EFR3B: variants seen among roughly 807,000 people sequenced by gnomAD.
EFR3B encodes EFR3 homolog B.
A neutral mutation model predicts 104.7 loss-of-function variants in EFR3B; 64 were observed. The ratio of observed to expected loss-of-function variants is 0.61; its 90% CI spans 0.50 to 0.75. The LOEUF (loss-of-function observed/expected upper bound fraction) is 0.75, where lower values mean the gene tolerates loss of function less well. Ranked by LOEUF, EFR3B falls within the 30% of genes least tolerant of loss-of-function variation. The probability of loss-of-function intolerance (pLI) is 0.00; values close to 1 mark genes in which losing one functional copy is unlikely to be tolerated. For missense variants in EFR3B, 750 were observed against 1,078.5 expected (o/e 0.70, Z 4.27); for synonymous variants, 385 against 417.9 (o/e 0.92, Z 0.96).
In EFR3B at chr2:25,080,334, G is replaced by A. The variant is rs182316801; in HGVS notation, c.8-10991G>A. 1.7e-3 allele frequency: 946 copies of A among 572,864 alleles called. 10 individuals are homozygous for A. The African/African-American group carries it at 0.026, about 16-fold the overall frequency. 35.5% of individuals were successfully genotyped at this position (572,864 alleles called of 1,614,324 possible). ...TTTGAGATGGAGTTTTGCTCTTGTCGTCCAGGCTGGAGTGCAGTGGCACCA... is the reference window on the plus strand; with the variant it reads ...TTTGAGATGGAGTTTTGCTCTTGTCATCCAGGCTGGAGTGCAGTGGCACCA... On this transcript the variant is annotated intron_variant, in intron 1 of 22. Transcript: ENST00000403714.
At chr2:25,058,820 C>T (rs1668099380) in intron 1 of EFR3B, among the ~76,000 whole-genome samples, 1 of 141,364 alleles carries the variant, frequency 7.1e-6, no homozygotes, top group South Asian at 2.3e-4. Context: ...TGTGGAGAAA[C>T]TGGAACCATC....
intron 16 of EFR3B, among the ~76,000 whole-genome samples, chr2:25,141,051 A>T (rs1281333849): frequency 5.3e-5 from 8 of 151,990 alleles, no homozygotes; most frequent in Non-Finnish European, 8.8e-5. Flanking sequence ...AAAAAAAAAA[A>T]AAAAAAAAAG....
In EFR3B at chr2:25,042,085, C is replaced by T. The variant is rs1667585773; in HGVS notation, c.-228C>T. The T allele has an allele frequency of 3.2e-6, 1 of 308,784 alleles. No homozygotes were observed. The highest frequency in any genetic ancestry group is 2.2e-5 in the African/African-American group (1 of 45,282). The allele number at this position is 308,784 out of a possible 1,614,324, so 19.1% of individuals were successfully genotyped here. A position where few individuals can be genotyped will look rare whatever the true frequency, so the allele number is the denominator to read the frequency against. ...CCCGCCCCCTGCGCGCAGCAGTGCC[C>T]AGCAACCCGAGCGGAGGCGGCCGCT... On this transcript the variant is annotated 5_prime_UTR_variant, in exon 1 of 23. Coordinates refer to ENST00000403714, the MANE Select transcript of EFR3B (RefSeq NM_014971.2). The surrounding 1 kb of genome is among the most constrained non-coding windows in gnomAD (Gnocchi z 5.4).
chr2:25,121,657 C>T lies in EFR3B; in HGVS notation c.364-16C>T. ...GGTCACCTCTCTCGTGTGTTTCTCT[C>T]CTTCCTCCCTGATAGTTTGTGAAGT... On this transcript the variant is annotated splice_polypyrimidine_tract_variant and intron_variant, in intron 4 of 22. Transcript: ENST00000403714. 6.4e-7 allele frequency: 1 copy of T among 1,551,644 alleles called. No homozygotes were observed.
intron 4 of EFR3B, among the ~76,000 whole-genome samples, chr2:25,113,630 T>C (rs1046568233): frequency 2.0e-5 from 3 of 146,756 alleles, no homozygotes; most frequent in African/African-American, 5.1e-5. Flanking sequence ...ATCGTGCCAC[T>C]GCACTCCAGC....
intron 5 of EFR3B, among the ~76,000 whole-genome samples, chr2:25,122,715 C>A (rs1235537807): frequency 2.0e-5 from 3 of 152,008 alleles, no homozygotes; most frequent in Admixed American, 6.6e-5. Flanking sequence ...CCCTGCACAC[C>A]CCCACATGCC....
chr2:25,073,656 A>G (rs146217965), intron 1 of EFR3B, among the ~76,000 whole-genome samples: 1 of 152,164 alleles, frequency 6.6e-6, no homozygotes, highest in East Asian at 1.9e-4. Context: ...CCCACTATGT[A>G]ATGATTCTCC....
rs147725882 is a variant in EFR3B at position 25,048,400 on chromosome 2, AT to A, written c.7+6086del. Among the ~76,000 whole-genome samples, 1,457 of 152,276 alleles carry A rather than the reference AT, an allele frequency of 9.6e-3. 19 individuals are homozygous for A. Among genetic ancestry groups the A allele is most frequent in the African/African-American group, 0.032 (1,334 of 41,534 alleles). On this transcript the variant is annotated intron_variant, in intron 1 of 22. Transcript: ENST00000403714. The stretch of plus-strand genomic sequence containing the variant: ...CAAGTTAGTAAACTCCTTGGCTATC[AT>A]TTTTAATGTCTACATAACGGTGCAC...
chr2:25,100,446 C>G (rs1282257878), intron 3 of EFR3B, among the ~76,000 whole-genome samples: 1 of 152,158 alleles, frequency 6.6e-6, no homozygotes, highest in Non-Finnish European at 1.5e-5. Context: ...GACCTGATTC[C>G]TGGGCACCCC....
intron 3 of EFR3B, among the ~76,000 whole-genome samples, chr2:25,100,580 C>T (rs1243757286): frequency 6.6e-6 from 1 of 152,136 alleles, no homozygotes; most frequent in Non-Finnish European, 1.5e-5. Context: ...GCAAGCTCTG[C>T]CTCCTGAGTT....
intron 1 of EFR3B, among the ~76,000 whole-genome samples, chr2:25,045,192 C>T (rs1262991669): frequency 2.0e-5 from 3 of 152,276 alleles, no homozygotes; most frequent in Non-Finnish European, 2.9e-5. Flanking sequence ...TCACCTGCCA[C>T]CCCCGCTTAC....
At chr2:25,121,844 C>G (rs146566786) in intron 5 of EFR3B, 50 bp downstream of exon 5, 151 of 1,550,416 alleles carry the variant, frequency 9.7e-5, no homozygotes, top group Admixed American at 2.4e-4. Context: ...GCAGAAGCAA[C>G]GGTGGGTCCT....
Position 25,137,360 on chromosome 2 carries a change from G to A in EFR3B, c.1580G>A (p.Arg527Lys), listed in dbSNP as rs1351942453. 6.4e-7 allele frequency: 1 copy of A among 1,552,154 alleles called. No homozygotes were observed. Residue 527 changes from arginine (R) to lysine (K), a missense_variant, in exon 15 of 23, where the codon AGA becomes AAA. Transcript: ENST00000403714. This position sits in a 1 kb window ranked among gnomAD's most constrained non-coding sequence, Gnocchi z 4.7. ...FMKKHSQQLY[R>K]HIYLSCKEET... Reference sequence around the variant, plus strand: ...CCCCAGCACTCCCAGCAGCTCTACAGACACATCTACCTGAGCTGCAAGGAG... The same window carrying A: ...CCCCAGCACTCCCAGCAGCTCTACAAACACATCTACCTGAGCTGCAAGGAG...
In EFR3B at chr2:25,042,891, TCCG is replaced by T. The variant is rs1667612326; in HGVS notation, c.7+574_7+576del. On this transcript the variant is annotated intron_variant, in intron 1 of 22. Coordinates refer to ENST00000403714, the MANE Select transcript of EFR3B (RefSeq NM_014971.2). The surrounding 1 kb of genome is among the most constrained non-coding windows in gnomAD (Gnocchi z 5.4). ...GGTTCACCAACTTCCAGATTTTCCC[TCCG>T]CAGTGATGAAGGGAGGAGACGCTGC... Among the ~76,000 whole-genome samples, 1 of 151,992 alleles carries T rather than the reference TCCG, an allele frequency of 6.6e-6. No individual in the cohort carries two copies. The highest frequency in any genetic ancestry group is 1.5e-5 in the Non-Finnish European group (1 of 67,996).
At chr2:25,103,056 T>A (rs1365000236) in intron 3 of EFR3B, among the ~76,000 whole-genome samples, 1 of 152,192 alleles carries the variant, frequency 6.6e-6, no homozygotes, top group Non-Finnish European at 1.5e-5. Flanking sequence ...AGATCTTGAC[T>A]TCCTCCCCAC....
intron 4 of EFR3B, among the ~76,000 whole-genome samples, chr2:25,108,994 A>C (rs889004152): frequency 6.6e-6 from 1 of 152,156 alleles, no homozygotes; most frequent in Non-Finnish European, 1.5e-5. Flanking sequence ...TGACAAAGTA[A>C]GACTGTCTCA....
chr2:25,152,514 C>T (rs1365957227), intron 21 of EFR3B, among the ~76,000 whole-genome samples: 5 of 152,006 alleles, frequency 3.3e-5, no homozygotes, highest in South Asian at 4.1e-4. Flanking sequence ...AGATGGTCAA[C>T]GTTGGCAGCA....
chr2:25,130,566 A>T lies in EFR3B; in HGVS notation c.785A>T (p.His262Leu). 6.4e-7 allele frequency: 1 copy of T among 1,551,740 alleles called. No homozygotes were observed. The highest frequency in any genetic ancestry group is 1.7e-4 in the Middle Eastern group (1 of 5,992). Residue 262 changes from histidine to leucine, a missense_variant, in exon 8 of 23, where the codon CAT becomes CTT. Coordinates refer to ENST00000403714, the MANE Select transcript of EFR3B (RefSeq NM_014971.2). This position sits in a 1 kb window ranked among gnomAD's most constrained non-coding sequence, Gnocchi z 4.6. ...IKPVLIHLDN[H>L]SLWEPKVFAI... ...CTCCCTCACAGCCATCTGGATAACC[A>T]TTCTCTTTGGGAACCCAAGGTGTTT...
chr2:25,056,296 G>A (rs938049513), intron 1 of EFR3B, among the ~76,000 whole-genome samples: 9 of 152,164 alleles, frequency 5.9e-5, no homozygotes, highest in Non-Finnish European at 1.3e-4. Context: ...GGTTAAGGCC[G>A]TTAGAAGGAC....
Sources: gnomAD v4.1 joint callset for allele counts (sites outside exome capture counted in the v4.1 genomes callset) on GRCh38, gnomAD v4.1.1 for gene constraint, Gnocchi (gnomAD v3.1) non-coding constraint, MANE v1.5 for transcripts, NCBI Gene and HGNC (gene_info 2026-07-23, HGNC 2026-07-21) for gene names.